Variants in CHD9 observed in about 807,000 individuals in gnomAD.
The protein encoded by CHD9 is ATP-dependent chromatin remodeler CHD9.
CHD9 carries 77 observed loss-of-function variants against 316.1 expected under a neutral mutation model. The observed-to-expected ratio is 0.24, with a 90% CI of 0.20 to 0.29. CHD9 has a LOEUF of 0.29. CHD9 is among the 10% of genes least tolerant of loss of function. The probability of loss-of-function intolerance (pLI) is 1.00; values close to 1 mark genes in which losing one functional copy is unlikely to be tolerated. For missense variants in CHD9, 2,763 were observed against 3,438.1 expected (o/e 0.80, Z 4.91); for synonymous variants, 1,129 against 1,158.3 (o/e 0.97, Z 0.51).
chr16:53,111,673 A>G (rs145504622), intron 1 of CHD9, among the ~76,000 whole-genome samples: 1 of 152,110 alleles, frequency 6.6e-6, no homozygotes. Flanking sequence ...TGTATTGGGG[A>G]ATTTTCTTTT....
chr16:53,077,385 G>A (rs1224713791), intron 1 of CHD9, among the ~76,000 whole-genome samples: 6 of 151,154 alleles, frequency 4.0e-5, no homozygotes, highest in East Asian at 2.0e-4. Flanking sequence ...GTGCAGTGGC[G>A]TGATCTCGGC....
chr16:53,133,328 C>T (rs577112831), intron 1 of CHD9, among the ~76,000 whole-genome samples: 1 of 152,068 alleles, frequency 6.6e-6, no homozygotes, highest in Admixed American at 6.6e-5. Flanking sequence ...GGTGTATGAG[C>T]AGGCTACTTT....
chr16:53,093,643 C>T (rs1269560239), intron 1 of CHD9, among the ~76,000 whole-genome samples: 1 of 152,168 alleles, frequency 6.6e-6, no homozygotes, highest in Non-Finnish European at 1.5e-5. Context: ...CCCATTGTGT[C>T]ATGTTGTTCT....
chr16:53,322,259 A>T (rs1172680400), intron 38 of CHD9, among the ~76,000 whole-genome samples: 1 of 151,524 alleles, frequency 6.6e-6, no homozygotes, highest in Non-Finnish European at 1.5e-5. Context: ...AGCCTCCCAA[A>T]GTGCTAGGAT....
At chr16:53,285,398 A>G (rs1390036565) in intron 24 of CHD9, among the ~76,000 whole-genome samples, 198 bp from the exon 25 acceptor site, 1 of 152,162 alleles carries the variant, frequency 6.6e-6, no homozygotes, top group African/African-American at 2.4e-5. Context: ...GAGCTTAACA[A>G]TGTTCGTTTA....
chr16:53,134,349 A>T (rs2039562521), intron 1 of CHD9, among the ~76,000 whole-genome samples: 1 of 152,228 alleles, frequency 6.6e-6, no homozygotes, highest in Non-Finnish European at 1.5e-5. Flanking sequence ...TAGATTTCTT[A>T]TATAAGATTT....
intron 28 of CHD9, among the ~76,000 whole-genome samples, chr16:53,292,364 G>A (rs2153054863): frequency 6.6e-6 from 1 of 152,120 alleles, no homozygotes; most frequent in East Asian, 1.9e-4. Flanking sequence ...ATACTTACTA[G>A]GTGGATAAAA....
intron 1 of CHD9, among the ~76,000 whole-genome samples, chr16:53,144,278 A>T (rs1294948176): frequency 1.3e-5 from 2 of 152,198 alleles, no homozygotes; most frequent in Non-Finnish European, 2.9e-5. Flanking sequence ...CAAAGTATAG[A>T]GTATAAGACA....
At chr16:53,238,648 C>T (rs2048828984) in intron 12 of CHD9, 62 bp downstream of exon 12, 1 of 1,508,662 alleles carries the variant, frequency 6.6e-7, no homozygotes, top group Non-Finnish European at 9.1e-7. Flanking sequence ...ATAAGCATTA[C>T]CTACCAATTA....
In CHD9 at chr16:53,267,314, T is replaced by C; in HGVS notation, c.4341T>C (p.Thr1447=). The change falls in exon 21 of 39, where the codon ACT becomes ACC. Residue 1447 remains threonine, a synonymous_variant. Transcript: ENST00000447540. ...TACAGAACAGCTTGGTTATTGACAC[T>C]CCAAGAATTAGGAAGCAAACAAGAC... ...ISGRNSLVID[T]PRIRKQTRPF... 6.2e-7 allele frequency: 1 copy of C among 1,609,448 alleles called. No homozygotes were observed. The highest frequency in any genetic ancestry group is 8.5e-7 in the Non-Finnish European group (1 of 1,177,482).
intron 1 of CHD9, among the ~76,000 whole-genome samples, chr16:53,134,151 A>G (rs1042192673): frequency 2.0e-5 from 3 of 152,222 alleles, no homozygotes; most frequent in African/African-American, 7.2e-5. Flanking sequence ...TAATGAGTGA[A>G]TAAAAAACAC....
chr16:53,082,520 C>T (rs890308144), intron 1 of CHD9, among the ~76,000 whole-genome samples: 3 of 152,210 alleles, frequency 2.0e-5, no homozygotes, highest in African/African-American at 7.2e-5. Flanking sequence ...GGATTACAGG[C>T]ATGAGCCACT....
Position 53,324,744 on chromosome 16 carries a change from G to T in CHD9, c.8543G>T (p.Arg2848Ile), listed in dbSNP as rs1253439105. 1 of 1,613,344 alleles carries T rather than the reference G, an allele frequency of 6.2e-7. No homozygotes were observed. ...GTAGAAGTAAAAGAAGAAGATTCCA[G>T]AATTAAAGATCAGGAAGACAAAGGA... ...KSVEVKEEDS[R>I]IKDQEDKGGT... The change falls in exon 39 of 39, where the codon AGA (arginine) becomes ATA (isoleucine). Residue 2848 changes from arginine to isoleucine, a missense_variant. Around this residue, in one of 15 missense-constraint regions of CHD9, gnomAD observed 298 missense variants for 380.2 expected, o/e 0.78. Transcript: ENST00000447540.
intron 1 of CHD9, among the ~76,000 whole-genome samples, chr16:53,055,456 A>G (rs997747654): frequency 2.0e-5 from 3 of 151,214 alleles, no homozygotes; most frequent in African/African-American, 7.3e-5. Flanking sequence ...GTTGCTTGGG[A>G]AGCATTAAAA....
chr16:53,133,769 G>C (rs2039510576), intron 1 of CHD9, among the ~76,000 whole-genome samples: 1 of 152,168 alleles, frequency 6.6e-6, no homozygotes, highest in Admixed American at 6.5e-5. Flanking sequence ...CAACTTGGAA[G>C]TATCTTTAGA....
intron 29 of CHD9, among the ~76,000 whole-genome samples, chr16:53,294,435 A>G (rs764934302): frequency 4.6e-5 from 7 of 152,228 alleles, no homozygotes; most frequent in African/African-American, 7.2e-5. Context: ...CCAAAACACA[A>G]TGCTTTAAAA....
chr16:53,257,858 T>A (rs2050746371), intron 19 of CHD9, among the ~76,000 whole-genome samples: 1 of 152,150 alleles, frequency 6.6e-6, no homozygotes, highest in Admixed American at 6.5e-5. Context: ...ACCCCGGCTC[T>A]AGTTTTTTTC....
chr16:53,278,729 A>G (rs1466789660), intron 24 of CHD9, among the ~76,000 whole-genome samples: 1 of 152,228 alleles, frequency 6.6e-6, no homozygotes, highest in African/African-American at 2.4e-5. Context: ...AAAAGAAGAC[A>G]TTTATGCAGC....
intron 38 of CHD9, 124 bp from the exon 39 acceptor site, chr16:53,323,896 T>G: frequency 1.3e-6 from 1 of 774,966 alleles, no homozygotes; most frequent in Non-Finnish European, 2.0e-6. Flanking sequence ...ATTGATTATT[T>G]AATATCAGTA....
Sources: allele counts gnomAD v4.1 joint callset (sites outside exome capture counted in the v4.1 genomes callset), GRCh38; gene constraint gnomAD v4.1.1; regional missense constraint gnomAD v4.1.1; transcripts MANE v1.5; gene names NCBI Gene and HGNC (gene_info 2026-07-23, HGNC 2026-07-21).